Variants in HYAL1 observed in about 807,000 individuals in gnomAD.
HYAL1 encodes the protein hyaluronidase-1.
Under a neutral mutation model 28.8 loss-of-function variants are expected in HYAL1, and 21 were observed. The ratio of observed to expected loss-of-function variants is 0.73; its 90% CI spans 0.52 to 1.05. The LOEUF (loss-of-function observed/expected upper bound fraction) is 1.05, where lower values mean the gene tolerates loss of function less well. Among genes scored for constraint, HYAL1 ranks in the 50% least tolerant of loss-of-function variants. The pLI, the probability that HYAL1 is intolerant of heterozygous loss-of-function variation, is 0.00. For missense variants in HYAL1, 491 were observed against 579.2 expected (o/e 0.85, Z 1.56); for synonymous variants, 200 against 230.1 (o/e 0.87, Z 1.18).
At position 50,300,783 on chromosome 3, in the gene HYAL1, G is replaced by T. The variant is rs781885241; in HGVS notation, c.1008C>A (p.Ile336=). 6 of 1,613,882 alleles carry T rather than the reference G, an allele frequency of 3.7e-6. No individual in the cohort carries two copies. The highest frequency in any genetic ancestry group is 5.1e-6 in the Non-Finnish European group (6 of 1,179,928). Residue 336 remains isoleucine (I), a synonymous_variant, in exon 4 of 4, where the codon ATC becomes ATA. Coordinates refer to ENST00000395144, the MANE Select transcript of HYAL1 (RefSeq NM_033159.4). ...NTRTKESCQA[I]KEYMDTTLGP... Reference sequence around the variant, plus strand: ...CCAGTGTAGTGTCCATATACTCCTTGATGGCCTGACATGATTCCTAGGTGG... The same window carrying T: ...CCAGTGTAGTGTCCATATACTCCTTTATGGCCTGACATGATTCCTAGGTGG...
intron 1 of HYAL1, 76 bp downstream of exon 1, chr3:50,303,390 A>G (rs1403732808): frequency 6.1e-6 from 1 of 163,860 alleles, no homozygotes; most frequent in Non-Finnish European, 1.3e-5. Context: ...GGAAGATCCA[A>G]TGGCCTCAGT....
upstream of HYAL1, among the ~76,000 whole-genome samples, chr3:50,304,821 G>A (rs1702303634): frequency 6.6e-6 from 1 of 152,148 alleles, no homozygotes; most frequent in African/African-American, 2.4e-5. Flanking sequence ...AAATTCCAGT[G>A]GCAAGTAGGT....
chr3:50,309,600 G>C (rs1271370322), intron 2 of HYAL1: 1 of 151,242 alleles, frequency 6.6e-6, no homozygotes, highest in Non-Finnish European at 1.5e-5. Flanking sequence ...AGCCAATAAA[G>C]CCCTTGGGAA....
upstream of HYAL1, among the ~76,000 whole-genome samples, chr3:50,304,274 C>CAAAAAAAA (rs1156334129): frequency 0.023 from 67 of 2,888 alleles, 24 homozygotes; most frequent in Non-Finnish European, 0.052. Flanking sequence ...GACTCCATCT[C>CAAAAAAAA]AAAAAAAAAA....
At chr3:50,311,548 T>C (rs1320084450) in intron 1 of HYAL1, among the ~76,000 whole-genome samples, 9 of 122,324 alleles carry the variant, frequency 7.4e-5, no homozygotes, top group Admixed American at 1.6e-4. Flanking sequence ...ACCTCCGGGA[T>C]GGGGCGGCTA....
At chr3:50,311,950 C>T (rs1453583467) in intron 1 of HYAL1, among the ~76,000 whole-genome samples, 1 of 148,768 alleles carries the variant, frequency 6.7e-6, no homozygotes, top group East Asian at 2.1e-4. Flanking sequence ...GGGCTCCTCA[C>T]TTCCCAGTAG....
At chr3:50,311,922 G>T (rs1553714925) in intron 1 of HYAL1, among the ~76,000 whole-genome samples, 1 of 149,690 alleles carries the variant, frequency 6.7e-6, no homozygotes, top group Non-Finnish European at 1.5e-5. Context: ...CACGGATGGG[G>T]TGGCTGGCCG....
rs1702071576 is a variant in HYAL1 at position 50,300,405 on chromosome 3, G to C, written c.*78C>G. 7.3e-7 allele frequency: 1 copy of C among 1,376,396 alleles called. No homozygotes were observed. The highest frequency in any genetic ancestry group is 1.0e-6 in the Non-Finnish European group (1 of 965,206). The allele number at this position is 1,376,396 out of a possible 1,614,324, so 85.3% of individuals were successfully genotyped here. On this transcript the variant is annotated 3_prime_UTR_variant, in exon 4 of 4. Coordinates refer to ENST00000395144, the MANE Select transcript of HYAL1 (RefSeq NM_033159.4). ...TACTGTGACCATGACTTGTATGACT[G>C]TGCATGTATTTGAGGAAGCCCTGGC...
At chr3:50,301,965 GA>G (rs1702179877) in intron 2 of HYAL1, 91 bp downstream of exon 2, 10 of 1,282,966 alleles carry the variant, frequency 7.8e-6, no homozygotes, top group Middle Eastern at 4.1e-4. Context: ...AAAAAAAAAC[GA>G]AGAAAATGTC....
At chr3:50,305,047 T>C (rs2109312386), upstream of HYAL1, among the ~76,000 whole-genome samples, 1 of 152,352 alleles carries the variant, frequency 6.6e-6, no homozygotes, top group East Asian at 1.9e-4. Context: ...TCCCATTCTA[T>C]TCAAGTCATC....
chr3:50,309,823 C>T (rs1307417931), intron 1 of HYAL1: 1 of 151,344 alleles, frequency 6.6e-6, no homozygotes, highest in Non-Finnish European at 1.5e-5. Flanking sequence ...GCACAGAGGC[C>T]CCAGGTTTAT....
upstream of HYAL1, among the ~76,000 whole-genome samples, chr3:50,306,625 A>C (rs57944420): frequency 6.6e-6 from 1 of 150,994 alleles, no homozygotes. Flanking sequence ...GGTGGCTCAC[A>C]CCCGTAATCC....
Position 50,302,899 on chromosome 3 carries a change from G to A in HYAL1, c.58C>T (p.Gln20Ter), listed in dbSNP as rs782430252. 6 of 1,607,508 alleles carry A rather than the reference G, an allele frequency of 3.7e-6. No homozygotes were observed. In the South Asian group the frequency reaches 5.5e-5, roughly 15 times the overall value. ...ALFLTLLDMA[Q>*]GFRGPLLPNR... ...GGTAGCAAGGGGCCCCTAAAGCCTT[G>A]GGCCATATCGAGTAAGGTCAGGAAG... is the stretch of plus-strand genomic sequence containing the variant. Residue 20 changes from glutamine to a stop codon, truncating the protein, a stop_gained, in exon 2 of 4, where the codon CAA becomes TAA. Coordinates refer to ENST00000395144, the MANE Select transcript of HYAL1 (RefSeq NM_033159.4). LOFTEE classifies it high-confidence loss of function. The surrounding 1 kb of genome is among the most constrained non-coding windows in gnomAD (Gnocchi z 5.0).
At chr3:50,308,808 G>A (rs1266828939) in intron 2 of HYAL1, among the ~76,000 whole-genome samples, 1 of 145,288 alleles carries the variant, frequency 6.9e-6, no homozygotes, top group South Asian at 2.1e-4. Flanking sequence ...TCGGCTCACT[G>A]CAACCTCTGG....
rs2109307002 is a variant in HYAL1, at chr3:50,302,192, T to C, written c.765A>G (p.Thr255=). ...GTTGCACATACATCTGTGACTTCCC[T>C]GTGCCCTCCAGCACTGCGGGCATGT... ...SIYMPAVLEG[T]GKSQMYVQHR... The change falls in exon 2 of 4, where the codon ACA becomes ACG. Residue 255 remains threonine, a synonymous_variant. Transcript: ENST00000395144. This position sits in a 1 kb window ranked among gnomAD's most constrained non-coding sequence, Gnocchi z 5.0. The C allele has an allele frequency of 9.9e-6, 16 of 1,614,198 alleles. No individual in the cohort carries two copies. The highest frequency in any genetic ancestry group is 1.3e-5 in the Non-Finnish European group (15 of 1,180,034).
At chr3:50,306,182 A>G (rs1169288205), upstream of HYAL1, among the ~76,000 whole-genome samples, 4 of 147,388 alleles carry the variant, frequency 2.7e-5, no homozygotes, top group African/African-American at 7.7e-5. Context: ...TGATTTCTCA[A>G]TTGGTTGAGA....
At chr3:50,304,683 T>C (rs1702301873), upstream of HYAL1, among the ~76,000 whole-genome samples, 1 of 152,160 alleles carries the variant, frequency 6.6e-6, no homozygotes, top group African/African-American at 2.4e-5. Context: ...ATCCCTGTTG[T>C]AGGGACCTGT....
exon 1 of HYAL1, chr3:50,312,358 AG>A (rs1254933315): frequency 5.9e-6 from 1 of 168,304 alleles, no homozygotes; most frequent in Non-Finnish European, 1.3e-5. Flanking sequence ...ACGGGGCGAC[AG>A]GGCAGAGGCG....
At chr3:50,310,604 TA>T (rs1702426532) in intron 1 of HYAL1, among the ~76,000 whole-genome samples, 1 of 149,722 alleles carries the variant, frequency 6.7e-6, no homozygotes, top group African/African-American at 2.5e-5. Context: ...TTTTTTTTTT[TA>T]ATTATTATTT....
Sources: allele counts gnomAD v4.1 joint callset (sites outside exome capture counted in the v4.1 genomes callset), GRCh38; gene constraint gnomAD v4.1.1; non-coding constraint Gnocchi (gnomAD v3.1); transcripts MANE v1.5; gene names NCBI Gene and HGNC (gene_info 2026-07-23, HGNC 2026-07-21).